The following PDE8B variants were observed in gnomAD, a reference collection of about 807,000 sequenced individuals.
PDE8B encodes phosphodiesterase 8B, also known as high affinity cAMP-specific and IBMX-insensitive 3',5'-cyclic phosphodiesterase 8B.
PDE8B carries 26 observed loss-of-function variants against 101.3 expected under a neutral mutation model. The observed-to-expected ratio is 0.26, with a 90% CI of 0.19 to 0.36. The LOEUF (loss-of-function observed/expected upper bound fraction) is 0.36, where lower values mean the gene tolerates loss of function less well. Among genes scored for constraint, PDE8B ranks in the 10% least tolerant of loss-of-function variants. PDE8B has a pLI of 1.00. For missense variants in PDE8B, 810 were observed against 1,163.1 expected, an observed-to-expected ratio of 0.70 and a Z score of 4.42; for synonymous variants, 424 against 429.3, an observed-to-expected ratio of 0.99 and a Z score of 0.15.
the PDE8B span, among the ~76,000 whole-genome samples, chr5:77,204,610 A>G: frequency 4.0e-5 from 6 of 151,748 alleles, no homozygotes; most frequent in Admixed American, 2.0e-4. Flanking sequence ...TTCCAGTGTT[A>G]TCATCCCTGC....
the PDE8B span, among the ~76,000 whole-genome samples, chr5:77,128,290 T>C: frequency 6.6e-6 from 1 of 152,204 alleles, no homozygotes; most frequent in Non-Finnish European, 1.5e-5. Context: ...AAAAACGTTC[T>C]TCTCTTACAG....
Position 77,257,529 on chromosome 5 carries a change from A to G in PDE8B, c.339+46265A>G, listed in dbSNP as rs567932219. Among the ~76,000 whole-genome samples the G allele has an allele frequency of 1.1e-4, 16 of 152,338 alleles. No individual in the cohort carries two copies. The East Asian group carries it at 2.3e-3, about 22-fold the overall frequency. On this transcript the variant is annotated intron_variant, in intron 1 of 21. Coordinates refer to ENST00000264917, the MANE Select transcript of PDE8B (RefSeq NM_003719.5). ...GGCCAGTGAGTCAAGAGGACATAAT[A>G]ATACTAAAATATTATGCATCTAATA...
intron 1 of PDE8B, among the ~76,000 whole-genome samples, chr5:77,293,833 T>C (rs1767917164): frequency 6.6e-6 from 1 of 152,242 alleles, no homozygotes; most frequent in Admixed American, 6.5e-5. Flanking sequence ...TGACAAATGA[T>C]GGCAAGCATC....
chr5:77,389,433 C>T (rs915384981), intron 10 of PDE8B, among the ~76,000 whole-genome samples: 4 of 152,274 alleles, frequency 2.6e-5, no homozygotes, highest in Middle Eastern at 3.4e-3. Flanking sequence ...AGATGAACCC[C>T]GGGTACCTCA....
At chr5:77,203,325 A>G in the PDE8B span, among the ~76,000 whole-genome samples, 1 of 152,188 alleles carries the variant, frequency 6.6e-6, no homozygotes. Context: ...ACCCACAGTG[A>G]TCTTTCTCTC....
At chr5:77,142,827 G>A in the PDE8B span, among the ~76,000 whole-genome samples, 1 of 151,680 alleles carries the variant, frequency 6.6e-6, no homozygotes, top group Non-Finnish European at 1.5e-5. Context: ...GAGTCTTTTG[G>A]ATAAGTAAGC....
At chr5:77,203,827 G>C in the PDE8B span, among the ~76,000 whole-genome samples, 1 of 152,130 alleles carries the variant, frequency 6.6e-6, no homozygotes, top group South Asian at 2.1e-4. Flanking sequence ...GATGAATTTA[G>C]CATCATATTA....
In PDE8B at chr5:77,247,405, G is replaced by A. The variant is rs114572634; in HGVS notation, c.339+36141G>A. Among the ~76,000 whole-genome samples the A allele has an allele frequency of 5.8e-3, 882 of 152,262 alleles. 9 individuals are homozygous for A. The highest frequency in any genetic ancestry group is 0.02 in the African/African-American group (850 of 41,558). On this transcript the variant is annotated intron_variant, in intron 1 of 21. Transcript: ENST00000264917. The stretch of plus-strand genomic sequence containing the variant: ...AATGAGGGCCATGTCATTCTCACAC[G>A]AGCCTCCCTCTGTGTCATATCACAA...
chr5:77,124,341 G>T, the PDE8B span, among the ~76,000 whole-genome samples: 1 of 152,152 alleles, frequency 6.6e-6, no homozygotes, highest in South Asian at 2.1e-4. Flanking sequence ...TGTAATACCA[G>T]CTCTCTGGGA....
chr5:77,378,083 A>G (rs1326714988), intron 10 of PDE8B, among the ~76,000 whole-genome samples: 3 of 151,224 alleles, frequency 2.0e-5, no homozygotes, highest in Non-Finnish European at 4.4e-5. Context: ...GAATGCTAAT[A>G]TAGCAGGTGT....
the PDE8B span, among the ~76,000 whole-genome samples, chr5:77,152,360 T>TA: frequency 6.6e-6 from 1 of 152,206 alleles, no homozygotes; most frequent in Admixed American, 6.5e-5. Context: ...TTTACTTCTG[T>TA]GCAACCAGCC....
chr5:77,377,878 A>G (rs1186566051), intron 10 of PDE8B, among the ~76,000 whole-genome samples: 3 of 152,048 alleles, frequency 2.0e-5, no homozygotes, highest in Non-Finnish European at 4.4e-5. Context: ...AGACTTCGGG[A>G]CTTATGCTAC....
intron 10 of PDE8B, among the ~76,000 whole-genome samples, chr5:77,384,911 C>A (rs1436540685): frequency 6.6e-6 from 1 of 152,160 alleles, no homozygotes; most frequent in African/African-American, 2.4e-5. Context: ...CGCTGTTCAT[C>A]AGGGATATTG....
At chr5:77,123,357 C>T in the PDE8B span, among the ~76,000 whole-genome samples, 1 of 115,142 alleles carries the variant, frequency 8.7e-6, no homozygotes, top group African/African-American at 2.8e-5. Context: ...TTGAATTCCT[C>T]CCCCACCGCC....
chr5:77,265,775 CA>C (rs763222162), intron 1 of PDE8B, among the ~76,000 whole-genome samples: 3 of 152,136 alleles, frequency 2.0e-5, no homozygotes, highest in Non-Finnish European at 2.9e-5. Flanking sequence ...TAAGAAAAGG[CA>C]AAATGTTTGA....
the PDE8B span, among the ~76,000 whole-genome samples, chr5:77,143,118 C>A: frequency 6.6e-6 from 1 of 152,136 alleles, no homozygotes; most frequent in Non-Finnish European, 1.5e-5. Context: ...AGAAGACACC[C>A]AAAGTTAATA....
At chr5:77,266,435 C>T (rs1000665170) in intron 1 of PDE8B, among the ~76,000 whole-genome samples, 2 of 152,128 alleles carry the variant, frequency 1.3e-5, no homozygotes, top group African/African-American at 2.4e-5. Context: ...AGTGCTGAAG[C>T]GCTGTCTATT....
chr5:77,259,068 A>ACT (rs1759857973), intron 1 of PDE8B, among the ~76,000 whole-genome samples: 1 of 41,140 alleles, frequency 2.4e-5, no homozygotes, highest in African/African-American at 9.4e-5. Flanking sequence ...ACACACACAC[A>ACT]CCCCCGCCCC....
rs1317558722 is a variant in PDE8B, at chr5:77,259,084, C to A, written c.339+47820C>A. Among the ~76,000 whole-genome samples, 2 of 70,804 alleles carry A rather than the reference C, an allele frequency of 2.8e-5. 1 individual carries two copies. Among genetic ancestry groups the A allele is most frequent in the Non-Finnish European group, 5.9e-5 (2 of 33,616 alleles). The allele number at this position is 70,804 out of a possible 152,430, so 46.5% of individuals were successfully genotyped here. On this transcript the variant is annotated intron_variant, in intron 1 of 21. Coordinates refer to ENST00000264917, the MANE Select transcript of PDE8B (RefSeq NM_003719.5). ...CACACACACACCCCCGCCCCCCCCCCACACACACACACGAATGTTTCTGCC... is the reference window on the plus strand; with the variant it reads ...CACACACACACCCCCGCCCCCCCCCAACACACACACACGAATGTTTCTGCC...
Sources: allele counts gnomAD v4.1 joint callset (sites outside exome capture counted in the v4.1 genomes callset), GRCh38; gene constraint gnomAD v4.1.1; transcripts MANE v1.5; gene names NCBI Gene and HGNC (gene_info 2026-07-23, HGNC 2026-07-21).